Variants in ERC1 observed in about 807,000 individuals in gnomAD.
ERC1 encodes the protein ELKS/RAB6-interacting/CAST family member 1, also known as RAB6 interacting protein 2.
A neutral mutation model predicts 132.0 loss-of-function variants in ERC1; 56 were observed. That is an observed-to-expected ratio of 0.42 (90% confidence interval 0.34 to 0.53). The LOEUF (loss-of-function observed/expected upper bound fraction) is 0.53. ERC1 is among the 20% of genes least tolerant of loss of function. ERC1 has a pLI of 0.03. For missense variants in ERC1, 1,202 were observed against 1,349.9 expected, an observed-to-expected ratio of 0.89 and a Z score of 1.72; for synonymous variants, 478 against 476.1, an observed-to-expected ratio of 1.00 and a Z score of -0.05.
Position 1,146,510 on chromosome 12 carries a change from T to A in ERC1, c.1737+4723T>A, listed in dbSNP as rs1326565517. On this transcript the variant is annotated intron_variant, in intron 8 of 18. Coordinates refer to ENST00000360905, the MANE Select transcript of ERC1 (RefSeq NM_178040.4). Reference sequence around the variant, plus strand: ...TTTAGGGCTTTGTAGTTATATGACCTTATCATCAGCAAACAATGATAGTTT... The same window carrying A: ...TTTAGGGCTTTGTAGTTATATGACCATATCATCAGCAAACAATGATAGTTT... Among the ~76,000 whole-genome samples the A allele has an allele frequency of 2.0e-5, 3 of 151,944 alleles. No individual in the cohort carries two copies. In the East Asian group the frequency reaches 5.8e-4, roughly 29 times the overall value.
chr12:1,007,956 G>C (rs2154136771), intron 1 of ERC1, among the ~76,000 whole-genome samples: 1 of 152,282 alleles, frequency 6.6e-6, no homozygotes, highest in Non-Finnish European at 1.5e-5. Flanking sequence ...TTCTGTTACA[G>C]AAGGTTCAGT....
rs112723428 is a variant in ERC1 at position 1,371,673 on chromosome 12, A to G, written c.2781-160A>G. Among the ~76,000 whole-genome samples, 223 of 103,374 alleles carry G rather than the reference A, an allele frequency of 2.2e-3. 1 individual carries two copies. The highest frequency in any genetic ancestry group is 3.1e-3 in the South Asian group (10 of 3,254). 67.8% of individuals were successfully genotyped at this position (103,374 alleles called of 152,430 possible). A position where few individuals can be genotyped will look rare whatever the true frequency, so the allele number is the denominator to read the frequency against. On this transcript the variant is annotated intron_variant, in intron 15 of 18. Coordinates refer to ENST00000360905, the MANE Select transcript of ERC1 (RefSeq NM_178040.4). ...TATTACCCTCAAAATGGGGGTACTG[A>G]TAATAGTAACTTCAAAGAATTGTTG...
At chr12:1,293,221 G>A (rs958753552) in intron 15 of ERC1, among the ~76,000 whole-genome samples, 14 of 150,840 alleles carry the variant, frequency 9.3e-5, no homozygotes, top group Admixed American at 8.6e-4. Context: ...TTGGGAGGCT[G>A]AGGCGGGCAG....
chr12:1,312,634 C>G (rs988854901), intron 15 of ERC1, among the ~76,000 whole-genome samples: 1 of 152,236 alleles, frequency 6.6e-6, no homozygotes, highest in Admixed American at 6.5e-5. Flanking sequence ...GCTGGTATCA[C>G]AGGCGTGAAC....
At chr12:1,016,719 C>G (rs370967909) in intron 1 of ERC1, among the ~76,000 whole-genome samples, 3 of 146,846 alleles carry the variant, frequency 2.0e-5, no homozygotes, top group Non-Finnish European at 3.0e-5. Flanking sequence ...ATCTCGATCT[C>G]GGCTCACTGC....
intron 12 of ERC1, among the ~76,000 whole-genome samples, chr12:1,197,215 A>G (rs1372650214): frequency 6.6e-6 from 1 of 151,806 alleles, no homozygotes; most frequent in Non-Finnish European, 1.5e-5. Flanking sequence ...TCCTGGCCTC[A>G]AGTGATCCGC....
intron 13 of ERC1, among the ~76,000 whole-genome samples, chr12:1,250,293 A>T (rs561964027): frequency 6.6e-6 from 1 of 152,156 alleles, no homozygotes; most frequent in South Asian, 2.1e-4. Flanking sequence ...ACTTTTGTTG[A>T]TGAACTCTGC....
rs139484585 is a variant in ERC1 at position 1,201,233 on chromosome 12, G to A, written c.2351+11181G>A. Among the ~76,000 whole-genome samples the A allele has an allele frequency of 4.4e-3, 675 of 152,172 alleles. 11 individuals are homozygous for A. The highest frequency in any genetic ancestry group is 0.016 in the African/African-American group (647 of 41,506). On this transcript the variant is annotated intron_variant, in intron 12 of 18. Transcript: ENST00000360905. ...TAACATCTCTGAAATTGGGATACAC[G>A]TACAAGTAAATGGCATGGTATAATC...
intron 14 of ERC1, among the ~76,000 whole-genome samples, chr12:1,267,097 C>T (rs1439679793): frequency 6.6e-6 from 1 of 152,314 alleles, no homozygotes; most frequent in East Asian, 1.9e-4. Context: ...CTAATACATG[C>T]TGCCCCACGC....
intron 4 of ERC1, among the ~76,000 whole-genome samples, chr12:1,109,829 C>T (rs1033321297): frequency 2.0e-5 from 3 of 152,188 alleles, no homozygotes; most frequent in East Asian, 3.9e-4. Context: ...AGGTGTATCA[C>T]GTGAGGTCAG....
intron 18 of ERC1, among the ~76,000 whole-genome samples, chr12:1,487,098 G>C (rs770306658): frequency 6.6e-6 from 1 of 152,170 alleles, no homozygotes; most frequent in Non-Finnish European, 1.5e-5. Context: ...CTCTGCAGCT[G>C]TATTTACAAG....
rs149030709 is a variant in ERC1 at position 1,322,517 on chromosome 12, A to G, written c.2780+32505A>G. ...AGCAACAACTATCAGTTTGTCTTCA[A>G]TCCTGATAAAATCTAGCACTTACAG... On this transcript the variant is annotated intron_variant, in intron 15 of 18. Transcript: ENST00000360905. Among the ~76,000 whole-genome samples the G allele has an allele frequency of 6.1e-3, 922 of 152,304 alleles. 15 individuals are homozygous for G. Among genetic ancestry groups the G allele is most frequent in the African/African-American group, 0.021 (875 of 41,574 alleles).
chr12:1,299,143 A>G (rs574848906), intron 15 of ERC1, among the ~76,000 whole-genome samples: 1 of 152,336 alleles, frequency 6.6e-6, no homozygotes, highest in East Asian at 1.9e-4. Flanking sequence ...AAGCAATCAG[A>G]AATATAGAAG....
rs1447690379 is a variant in ERC1 at position 1,418,659 on chromosome 12, C to CTTT, written c.3024+10413_3024+10414insTTT. Reference sequence around the variant, plus strand: ...TCTTTCTTTCTCTCTCTCTCTCTCTCTCTTTCTTTTCTTTCTTTCTTTCTT... The same window carrying CTTT: ...TCTTTCTTTCTCTCTCTCTCTCTCTCTTTTCTTTCTTTTCTTTCTTTCTTTCTT... On this transcript the variant is annotated intron_variant, in intron 17 of 18. Transcript: ENST00000360905. Among the ~76,000 whole-genome samples the CTTT allele has an allele frequency of 6.5e-3, 718 of 110,582 alleles. 8 individuals carry two copies. The highest frequency in any genetic ancestry group is 7.3e-3 in the Non-Finnish European group (392 of 53,802). The allele number at this position is 110,582 out of a possible 152,430, so 72.5% of individuals were successfully genotyped here.
chr12:1,417,550 C>G (rs2092177733), intron 17 of ERC1, among the ~76,000 whole-genome samples: 1 of 151,822 alleles, frequency 6.6e-6, no homozygotes, highest in South Asian at 2.1e-4. Context: ...GAGACCCAGG[C>G]GGGCAGATCA....
intron 15 of ERC1, among the ~76,000 whole-genome samples, chr12:1,317,975 G>A (rs981047378): frequency 2.0e-5 from 3 of 152,012 alleles, no homozygotes; most frequent in African/African-American, 7.3e-5. Flanking sequence ...TGTGTATATT[G>A]TAAATTATTT....
intron 18 of ERC1, among the ~76,000 whole-genome samples, chr12:1,467,153 A>G (rs548386925): frequency 1.2e-4 from 18 of 152,332 alleles, no homozygotes; most frequent in Admixed American, 2.6e-4. Context: ...TTCTAATGTA[A>G]GCTCTAAAGC....
At chr12:1,424,135 A>C (rs564599050) in intron 17 of ERC1, among the ~76,000 whole-genome samples, 16 of 152,318 alleles carry the variant, frequency 1.1e-4, no homozygotes, top group Non-Finnish European at 1.5e-4. Flanking sequence ...TCAGGAAGTT[A>C]GTTACCTCCA....
chr12:1,278,652 G>T (rs1322761655), intron 14 of ERC1, among the ~76,000 whole-genome samples: 1 of 152,076 alleles, frequency 6.6e-6, no homozygotes, highest in African/African-American at 2.4e-5. Flanking sequence ...TGGTTAAAAC[G>T]GACATTTCTC....
Sources: allele counts gnomAD v4.1 joint callset (sites outside exome capture counted in the v4.1 genomes callset), GRCh38; gene constraint gnomAD v4.1.1; transcripts MANE v1.5; gene names NCBI Gene and HGNC (gene_info 2026-07-23, HGNC 2026-07-21).